CDH13: variants seen among roughly 807,000 people sequenced by gnomAD.
The protein encoded by CDH13 is cadherin-13.
A neutral mutation model predicts 63.8 loss-of-function variants in CDH13; 24 were observed. The observed-to-expected ratio is 0.38, with a 90% CI of 0.27 to 0.53. The LOEUF (loss-of-function observed/expected upper bound fraction) is 0.53, where lower values mean the gene tolerates loss of function less well. CDH13 is among the 20% of genes least tolerant of loss of function. The pLI, the probability that CDH13 is intolerant of heterozygous loss-of-function variation, is 0.85. For synonymous variants in CDH13, 503 were observed against 355.3 expected (o/e 1.42, Z -4.67); for missense variants, 1,049 against 903.1 (o/e 1.16, Z -2.07).
chr16:82,834,053 C>G (rs2038660228), intron 1 of CDH13, among the ~76,000 whole-genome samples: 1 of 152,166 alleles, frequency 6.6e-6, no homozygotes, highest in African/African-American at 2.4e-5. Context: ...CAATTCAGCG[C>G]TAGCCAGCTC....
chr16:83,183,179 T>G (rs754959230), intron 4 of CDH13, among the ~76,000 whole-genome samples: 62 of 152,312 alleles, frequency 4.1e-4, no homozygotes, highest in Admixed American at 9.8e-4. Context: ...AAAAGGGATA[T>G]AGCAAAAATT....
chr16:82,925,344 T>A (rs377234461), intron 2 of CDH13, among the ~76,000 whole-genome samples: 1 of 152,126 alleles, frequency 6.6e-6, no homozygotes, highest in Admixed American at 6.5e-5. Flanking sequence ...GCCAGTTGAG[T>A]GTGGAGGCCC....
chr16:82,632,682 A>G lies in CDH13; in HGVS notation c.45+5545A>G, dbSNP rs139461087. Among the ~76,000 whole-genome samples the G allele has an allele frequency of 2.6e-3, 395 of 152,316 alleles. 2 individuals carry two copies. The highest frequency in any genetic ancestry group is 9.3e-3 in the African/African-American group (385 of 41,580). Reference sequence around the variant, plus strand: ...TGGTACCAGGGACCGGTTTCGTGGAAGACAATTTTTCCACGGACTAGAATT... The same window carrying G: ...TGGTACCAGGGACCGGTTTCGTGGAGGACAATTTTTCCACGGACTAGAATT... On this transcript the variant is annotated intron_variant, in intron 1 of 13. Coordinates refer to ENST00000567109, the MANE Select transcript of CDH13 (RefSeq NM_001257.5).
At chr16:82,848,877 G>C (rs765024801) in intron 1 of CDH13, among the ~76,000 whole-genome samples, 17 of 152,198 alleles carry the variant, frequency 1.1e-4, no homozygotes, top group Non-Finnish European at 2.1e-4. Flanking sequence ...AGCTGAGGTA[G>C]GCTGAAAGCT....
At chr16:83,770,577 T>C (rs1288053107) in intron 11 of CDH13, among the ~76,000 whole-genome samples, 1 of 152,224 alleles carries the variant, frequency 6.6e-6, no homozygotes, top group Non-Finnish European at 1.5e-5. Flanking sequence ...CTACTCCCCG[T>C]AGACAGAGCA....
At chr16:82,799,964 T>C (rs2036772158) in intron 1 of CDH13, among the ~76,000 whole-genome samples, 1 of 152,156 alleles carries the variant, frequency 6.6e-6, no homozygotes, top group South Asian at 2.1e-4. Context: ...CATGATAAGC[T>C]GGTACAAGCA....
chr16:82,660,264 C>G (rs1428091254), intron 1 of CDH13, among the ~76,000 whole-genome samples: 1 of 152,006 alleles, frequency 6.6e-6, no homozygotes, highest in Non-Finnish European at 1.5e-5. Flanking sequence ...AAATATGGGT[C>G]AGGCAGATGC....
chr16:83,105,116 A>G (rs545711332), intron 3 of CDH13, among the ~76,000 whole-genome samples: 4 of 152,240 alleles, frequency 2.6e-5, no homozygotes, highest in Non-Finnish European at 5.9e-5. Flanking sequence ...CATCACCTAG[A>G]TATGAAGCCC....
At chr16:83,651,520 G>A (rs1238799733) in intron 8 of CDH13, among the ~76,000 whole-genome samples, 3 of 149,218 alleles carry the variant, frequency 2.0e-5, no homozygotes, top group Non-Finnish European at 4.4e-5. Flanking sequence ...AAGTCACAAA[G>A]ATAACAAGAT....
intron 1 of CDH13, among the ~76,000 whole-genome samples, chr16:82,667,248 C>T (rs934437142): frequency 1.3e-5 from 2 of 152,154 alleles, no homozygotes; most frequent in Non-Finnish European, 2.9e-5. Flanking sequence ...AGAGCTTATA[C>T]ATTTCTATCG....
At chr16:83,745,378 A>C (rs1311579090) in intron 10 of CDH13, among the ~76,000 whole-genome samples, 1 of 152,198 alleles carries the variant, frequency 6.6e-6, no homozygotes, top group Admixed American at 6.5e-5. Context: ...ATACCAACCC[A>C]GACCGCCTCT....
intron 6 of CDH13, among the ~76,000 whole-genome samples, chr16:83,461,422 G>C (rs1370186845): frequency 1.3e-5 from 2 of 152,116 alleles, no homozygotes; most frequent in Non-Finnish European, 2.9e-5. Context: ...GCATGGACAA[G>C]CTCCAGCCAT....
chr16:83,051,807 T>A (rs2030367098), intron 3 of CDH13, among the ~76,000 whole-genome samples: 1 of 152,222 alleles, frequency 6.6e-6, no homozygotes, highest in Non-Finnish European at 1.5e-5. Context: ...GATGAAGTGT[T>A]CAAATCCCTG....
chr16:83,187,055 G>T (rs28736620), intron 4 of CDH13, among the ~76,000 whole-genome samples: 7,723 of 152,014 alleles, frequency 0.051, 632 homozygotes, highest in African/African-American at 0.17. Flanking sequence ...ACTGCAACCT[G>T]CACCTCCCGA....
At chr16:82,780,845 A>G (rs1409400908) in intron 1 of CDH13, among the ~76,000 whole-genome samples, 1 of 152,254 alleles carries the variant, frequency 6.6e-6, no homozygotes, top group Admixed American at 6.5e-5. Context: ...TAAAAACTGT[A>G]ATAACCCGAT....
chr16:82,670,574 G>C (rs984515619), intron 1 of CDH13, among the ~76,000 whole-genome samples: 3 of 152,120 alleles, frequency 2.0e-5, no homozygotes, highest in Non-Finnish European at 4.4e-5. Flanking sequence ...AGGACTATTG[G>C]GTAGAAGGAC....
At chr16:83,406,619 C>A (rs898770757) in intron 6 of CDH13, among the ~76,000 whole-genome samples, 22 of 152,130 alleles carry the variant, frequency 1.4e-4, no homozygotes, top group African/African-American at 4.3e-4. Context: ...GCACATGCCA[C>A]CACGGCCAGC....
chr16:83,608,056 G>A (rs1163438349), intron 8 of CDH13, among the ~76,000 whole-genome samples: 1 of 152,018 alleles, frequency 6.6e-6, no homozygotes, highest in Non-Finnish European at 1.5e-5. Flanking sequence ...GTTTGCAAGT[G>A]ATTATAAAAT....
intron 7 of CDH13, among the ~76,000 whole-genome samples, chr16:83,520,510 C>T (rs1460540160): frequency 1.3e-5 from 2 of 152,050 alleles, no homozygotes; most frequent in African/African-American, 4.8e-5. Flanking sequence ...TGTGTTTGGC[C>T]TTGAATATTG....
Sources: gnomAD v4.1 joint callset for allele counts (sites outside exome capture counted in the v4.1 genomes callset) on GRCh38, gnomAD v4.1.1 for gene constraint, MANE v1.5 for transcripts, NCBI Gene and HGNC (gene_info 2026-07-23, HGNC 2026-07-21) for gene names.